Variants in PCDH9 observed in about 807,000 individuals in gnomAD.
PCDH9 encodes the protein protocadherin 9.
Under a neutral mutation model 70.6 loss-of-function variants are expected in PCDH9, and 24 were observed. The observed-to-expected ratio is 0.34, with a 90% CI of 0.25 to 0.48. PCDH9 has a LOEUF of 0.48. Ranked by LOEUF, PCDH9 falls within the 20% of genes least tolerant of loss-of-function variation. The pLI is 0.99. For missense variants in PCDH9, 1,281 were observed against 1,503.6 expected, an observed-to-expected ratio of 0.85 and a Z score of 2.45; for synonymous variants, 562 against 558.5, an observed-to-expected ratio of 1.01 and a Z score of -0.09.
chr13:67,068,121 A>G (rs1376710047), intron 2 of PCDH9, among the ~76,000 whole-genome samples: 4 of 152,112 alleles, frequency 2.6e-5, no homozygotes, highest in Non-Finnish European at 5.9e-5. Context: ...ACAGGGTAAA[A>G]TCATAAGCAA....
intron 2 of PCDH9, among the ~76,000 whole-genome samples, chr13:66,980,414 T>C (rs989809078): frequency 2.6e-5 from 4 of 152,194 alleles, no homozygotes; most frequent in Non-Finnish European, 5.9e-5. Context: ...AAAATGGTTT[T>C]TCATCTAAAA....
chr13:66,508,462 G>A (rs1959290287), intron 4 of PCDH9, among the ~76,000 whole-genome samples: 1 of 152,300 alleles, frequency 6.6e-6, no homozygotes, highest in South Asian at 2.1e-4. Flanking sequence ...TATTGTGCTA[G>A]TCAGATAACA....
chr13:67,017,891 A>G (rs2084593589), intron 2 of PCDH9, among the ~76,000 whole-genome samples: 1 of 152,232 alleles, frequency 6.6e-6, no homozygotes. Flanking sequence ...TCCATAAAGT[A>G]CATATTAATT....
intron 2 of PCDH9, among the ~76,000 whole-genome samples, chr13:67,122,543 G>A (rs1286537606): frequency 6.6e-6 from 1 of 151,862 alleles, no homozygotes; most frequent in Non-Finnish European, 1.5e-5. Flanking sequence ...GGGAGGTCGA[G>A]GTGGGCGGAT....
chr13:66,883,938 T>C (rs2081965347), intron 3 of PCDH9, among the ~76,000 whole-genome samples: 1 of 148,594 alleles, frequency 6.7e-6, no homozygotes, highest in South Asian at 2.2e-4. Context: ...AGTCTCACTC[T>C]GTTGCCCAGG....
chr13:66,502,228 A>G (rs1959180517), intron 4 of PCDH9, among the ~76,000 whole-genome samples: 1 of 152,146 alleles, frequency 6.6e-6, no homozygotes, highest in South Asian at 2.1e-4. Flanking sequence ...TCTTTTGAGT[A>G]CAACTTCATT....
At chr13:66,765,572 T>C (rs1181296096) in intron 3 of PCDH9, among the ~76,000 whole-genome samples, 3 of 152,108 alleles carry the variant, frequency 2.0e-5, no homozygotes, top group Non-Finnish European at 2.9e-5. Flanking sequence ...TTCATGGTTA[T>C]TCACAGCAAT....
chr13:66,322,706 TC>T (rs891979748), intron 4 of PCDH9, among the ~76,000 whole-genome samples: 123 of 152,170 alleles, frequency 8.1e-4, no homozygotes, highest in African/African-American at 2.8e-3. Context: ...AATTATATAC[TC>T]TAAGAATCAA....
intron 4 of PCDH9, among the ~76,000 whole-genome samples, chr13:66,627,336 G>A (rs1370331023): frequency 6.6e-6 from 1 of 152,126 alleles, no homozygotes; most frequent in Non-Finnish European, 1.5e-5. Flanking sequence ...ATTATTGCTA[G>A]AGATGATTAC....
At chr13:66,863,941 A>G (rs570169490) in intron 3 of PCDH9, among the ~76,000 whole-genome samples, 14 of 152,286 alleles carry the variant, frequency 9.2e-5, no homozygotes, top group African/African-American at 2.6e-4. Flanking sequence ...GGGAAGCCTC[A>G]GGAAACTTAC....
chr13:66,969,733 A>T (rs2083487249), intron 2 of PCDH9, among the ~76,000 whole-genome samples: 1 of 151,992 alleles, frequency 6.6e-6, no homozygotes. Flanking sequence ...TCAAAATTCC[A>T]TTTTCACAGA....
At chr13:66,645,985 A>G (rs1341516927) in intron 3 of PCDH9, among the ~76,000 whole-genome samples, 1 of 152,214 alleles carries the variant, frequency 6.6e-6, no homozygotes, top group Admixed American at 6.5e-5. Context: ...CTACAATTCA[A>G]AGTCCCACTA....
At chr13:66,787,174 G>C (rs1204442076) in intron 3 of PCDH9, among the ~76,000 whole-genome samples, 1 of 152,080 alleles carries the variant, frequency 6.6e-6, no homozygotes, top group Non-Finnish European at 1.5e-5. Context: ...TGTACCACTT[G>C]GTGTGACTCC....
At chr13:66,369,960 A>C (rs929020975) in intron 4 of PCDH9, among the ~76,000 whole-genome samples, 2 of 152,080 alleles carry the variant, frequency 1.3e-5, no homozygotes, top group African/African-American at 4.8e-5. Flanking sequence ...TTGGGTCAGA[A>C]TTTCTCCAGT....
chr13:67,157,259 G>A (rs2087837709), intron 2 of PCDH9, among the ~76,000 whole-genome samples: 2 of 151,986 alleles, frequency 1.3e-5, no homozygotes, highest in Admixed American at 6.5e-5. Context: ...TATATTTCAC[G>A]TAGGTCACTT....
chr13:67,073,849 T>C (rs578058508), intron 2 of PCDH9, among the ~76,000 whole-genome samples: 1 of 152,256 alleles, frequency 6.6e-6, no homozygotes, highest in South Asian at 2.1e-4. Flanking sequence ...TAAAAAATAC[T>C]TTTATTTCTA....
chr13:66,400,405 TATGTC>T (rs1957166525), intron 4 of PCDH9, among the ~76,000 whole-genome samples: 1 of 152,204 alleles, frequency 6.6e-6, no homozygotes, highest in Non-Finnish European at 1.5e-5. Context: ...AATGCATAAG[TATGTC>T]ATATCTCTAT....
chr13:66,459,803 T>C (rs1958389199), intron 4 of PCDH9, among the ~76,000 whole-genome samples: 1 of 151,976 alleles, frequency 6.6e-6, no homozygotes, highest in African/African-American at 2.4e-5. Flanking sequence ...CTAGATTCAA[T>C]ACAGTTAGCT....
chr13:66,630,817 CA>C lies in PCDH9; in HGVS notation c.3340+392del, dbSNP rs377549385. The stretch of plus-strand genomic sequence containing the variant: ...TTTTGTAAAGTGTTCACTGGAAAAT[CA>C]AATTTCATAGGACATTTATATATGC... On this transcript the variant is annotated intron_variant, in intron 4 of 4. Coordinates refer to ENST00000377865, the MANE Select transcript of PCDH9 (RefSeq NM_203487.3). 67 of 154,038 alleles carry C rather than the reference CA, an allele frequency of 4.3e-4. No individual in the cohort carries two copies. The East Asian group carries it at 9.4e-3, about 22-fold the overall frequency. 9.5% of individuals were successfully genotyped at this position (154,038 alleles called of 1,614,324 possible). A position where few individuals can be genotyped will look rare whatever the true frequency, so the allele number is the denominator to read the frequency against.
Sources: allele counts gnomAD v4.1 joint callset (sites outside exome capture counted in the v4.1 genomes callset), GRCh38; gene constraint gnomAD v4.1.1; transcripts MANE v1.5; gene names NCBI Gene and HGNC (gene_info 2026-07-23, HGNC 2026-07-21).